Variants in RIPK2 observed in about 807,000 individuals in gnomAD.
RIPK2 encodes the protein receptor-interacting serine/threonine-protein kinase 2.
A neutral mutation model predicts 60.9 loss-of-function variants in RIPK2; 38 were observed. That is an observed-to-expected ratio of 0.62 (90% CI 0.48 to 0.82). The LOEUF (loss-of-function observed/expected upper bound fraction) is 0.82. Among genes scored for constraint, RIPK2 ranks in the 40% least tolerant of loss-of-function variants. The pLI is 0.00. For missense variants in RIPK2, 518 were observed against 647.0 expected (o/e 0.80, Z 2.16); for synonymous variants, 225 against 223.4 (o/e 1.01, Z -0.06).
intron 6 of RIPK2, among the ~76,000 whole-genome samples, chr8:89,776,849 A>G (rs1439510825): frequency 1.3e-5 from 2 of 152,222 alleles, no homozygotes; most frequent in South Asian, 2.1e-4. Flanking sequence ...CCTGCCTGAA[A>G]CAACCAAAAA....
intron 8 of RIPK2, among the ~76,000 whole-genome samples, chr8:89,784,960 T>C (rs1809560315): frequency 6.6e-6 from 1 of 151,968 alleles, no homozygotes; most frequent in East Asian, 1.9e-4. Context: ...GAAGTCAGGT[T>C]CTTTAACAGC....
intron 3 of RIPK2, 43 bp downstream of exon 3, chr8:89,765,539 G>T (rs1252864861): frequency 1.5e-6 from 2 of 1,332,334 alleles, no homozygotes; most frequent in Non-Finnish European, 1.0e-6. Flanking sequence ...TGTCCTTATA[G>T]TTTTAAAAAT....
chr8:89,759,338 A>C, intron 1 of RIPK2: 4 of 456,350 alleles, frequency 8.8e-6, no homozygotes, highest in South Asian at 6.2e-5. Flanking sequence ...AACTAGGCCC[A>C]GCATTCAGTT....
chr8:89,775,985 C>T (rs1563614639), intron 6 of RIPK2, among the ~76,000 whole-genome samples: 1 of 152,120 alleles, frequency 6.6e-6, no homozygotes, highest in Non-Finnish European at 1.5e-5. Flanking sequence ...GGAGAATGTA[C>T]CTTTAGATCT....
At chr8:89,772,484 C>G (rs1206456385) in intron 5 of RIPK2, among the ~76,000 whole-genome samples, 183 bp from the exon 6 acceptor site, 2 of 152,002 alleles carry the variant, frequency 1.3e-5, no homozygotes, top group African/African-American at 4.8e-5. Context: ...TAAACTCATT[C>G]CATAGGAATC....
At position 89,771,602 on chromosome 8, in the gene RIPK2, C is replaced by T. The variant is rs1809311570; in HGVS notation, c.642-139C>T. On this transcript the variant is annotated intron_variant, in intron 4 of 10. Transcript: ENST00000220751. The stretch of plus-strand genomic sequence containing the variant: ...AAACTACATGAGCATTTATCATCTT[C>T]ATTGTATACAGTAATTCTTTGCTGC... 3 of 539,824 alleles carry T rather than the reference C, an allele frequency of 5.6e-6. No homozygotes were observed. In the African/African-American group the frequency reaches 6.0e-5, roughly 11 times the overall value. 33.4% of individuals were successfully genotyped at this position (539,824 alleles called of 1,614,324 possible).
intron 6 of RIPK2, among the ~76,000 whole-genome samples, chr8:89,778,823 A>G (rs1809445064): frequency 6.6e-6 from 1 of 152,170 alleles, no homozygotes; most frequent in Non-Finnish European, 1.5e-5. Flanking sequence ...TTGGTTAATT[A>G]TCTGTGAATA....
chr8:89,790,442 G>A lies in RIPK2; in HGVS notation c.*26G>A, dbSNP rs898848207. The A allele has an allele frequency of 1.4e-6, 2 of 1,478,448 alleles. No individual in the cohort carries two copies. Among genetic ancestry groups the A allele is most frequent in the Non-Finnish European group, 1.8e-6 (2 of 1,091,222 alleles). 91.6% of individuals were successfully genotyped at this position (1,478,448 alleles called of 1,614,324 possible). ...GTGACTGTTTTTCAAGAAGAAATGT[G>A]TTTCATAAAAGGATATTTATATCTC... On this transcript the variant is annotated 3_prime_UTR_variant, in exon 11 of 11. Coordinates refer to ENST00000220751, the MANE Select transcript of RIPK2 (RefSeq NM_003821.6).
intron 4 of RIPK2, 66 bp from the exon 5 acceptor site, chr8:89,771,675 G>T: frequency 9.7e-7 from 1 of 1,033,378 alleles, no homozygotes; most frequent in Non-Finnish European, 1.4e-6. Context: ...TAAAAATAGT[G>T]CTATTTTAGT....
At chr8:89,789,601 C>A in intron 10 of RIPK2, 119 bp downstream of exon 10, 1 of 921,034 alleles carries the variant, frequency 1.1e-6, no homozygotes, top group Non-Finnish European at 1.6e-6. Context: ...AAATACATAC[C>A]TTCTTAAGTA....
intron 10 of RIPK2, among the ~76,000 whole-genome samples, 176 bp from the exon 11 acceptor site, chr8:89,789,903 C>A (rs181689845): frequency 3.1e-4 from 47 of 152,110 alleles, no homozygotes; most frequent in Non-Finnish European, 4.4e-5. Context: ...GGGAGATAAC[C>A]CAAATCTCTG....
In RIPK2 at chr8:89,780,068, T is replaced by C. The variant is rs1205086170; in HGVS notation, c.854-7T>C. The stretch of plus-strand genomic sequence containing the variant: ...GAACTCAACCTGTATTTTTTTCTCT[T>C]ATGTAGAATGTTTAATAGAACTTGA... On this transcript the variant is annotated splice_region_variant and splice_polypyrimidine_tract_variant and intron_variant, in intron 6 of 10. Coordinates refer to ENST00000220751, the MANE Select transcript of RIPK2 (RefSeq NM_003821.6). 1.4e-6 allele frequency: 2 copies of C among 1,402,858 alleles called. No homozygotes were observed. The highest frequency in any genetic ancestry group is 1.3e-5 in the South Asian group (1 of 79,614). 86.9% of individuals were successfully genotyped at this position (1,402,858 alleles called of 1,614,324 possible). A position where few individuals can be genotyped will look rare whatever the true frequency, so the allele number is the denominator to read the frequency against.
chr8:89,763,092 A>G, intron 2 of RIPK2, 110 bp downstream of exon 2: 2 of 670,018 alleles, frequency 3.0e-6, no homozygotes, highest in Non-Finnish European at 4.4e-6. Flanking sequence ...TAGATGAATC[A>G]AAGAATAATG....
rs140020615 is a variant in RIPK2, at chr8:89,757,914, C to T, written c.-147C>T. On this transcript the variant is annotated 5_prime_UTR_variant, in exon 1 of 11. Coordinates refer to ENST00000220751, the MANE Select transcript of RIPK2 (RefSeq NM_003821.6). The stretch of plus-strand genomic sequence containing the variant: ...GCGTGGGCCATCCGGGGAATGGGCG[C>T]CCTCGTGACCTAGTGTTGCGGGGCA... 7.8e-4 allele frequency: 1,074 copies of T among 1,383,834 alleles called. 9 individuals are homozygous for T. The African/African-American group carries it at 0.014, about 18-fold the overall frequency. 85.7% of individuals were successfully genotyped at this position (1,383,834 alleles called of 1,614,324 possible).
At chr8:89,785,700 AG>A (rs1809575198) in intron 8 of RIPK2, among the ~76,000 whole-genome samples, 1 of 152,208 alleles carries the variant, frequency 6.6e-6, no homozygotes, top group Non-Finnish European at 1.5e-5. Context: ...CGAACCTTAA[AG>A]CATAGTATAT....
Position 89,769,765 on chromosome 8 carries a change from C to T in RIPK2, c.484-7C>T, listed in dbSNP as rs1276810140. 2 of 1,574,882 alleles carry T rather than the reference C, an allele frequency of 1.3e-6. No homozygotes were observed. The highest frequency in any genetic ancestry group is 2.3e-5 in the East Asian group (1 of 42,714). On this transcript the variant is annotated splice_region_variant and splice_polypyrimidine_tract_variant and intron_variant, in intron 3 of 10. Transcript: ENST00000220751. ...ATTTCTTAATTATTTGCTCTTGTCC[C>T]TTACAGATTGCAGATTTTGGTTTAT...
Position 89,789,351 on chromosome 8 carries a change from T to A in RIPK2, c.1154T>A (p.Leu385Gln). The change falls in exon 10 of 11, where the codon CTG becomes CAG. Residue 385 changes from leucine (L) to glutamine (Q), a missense_variant. Physicochemically the swap from Leu to Gln is moderately radical, Grantham distance 113. Transcript: ENST00000220751. ...GCTCAAGACTGTTATTTTATGAAGC[T>A]GCATCACTGTCCTGGAAATCACAGT... ...RKAQDCYFMK[L>Q]HHCPGNHSWD... 1 of 1,614,024 alleles carries A rather than the reference T, an allele frequency of 6.2e-7. No homozygotes were observed. The highest frequency in any genetic ancestry group is 8.5e-7 in the Non-Finnish European group (1 of 1,179,938).
At chr8:89,777,843 T>C (rs10087807) in intron 6 of RIPK2, among the ~76,000 whole-genome samples, 28,072 of 151,890 alleles carry the variant, frequency 0.18, 3,813 homozygotes, top group African/African-American at 0.39. Context: ...CTGGTGTATA[T>C]TGGAATGTTG....
intron 4 of RIPK2, 59 bp downstream of exon 4, chr8:89,769,988 C>A: frequency 3.0e-6 from 4 of 1,347,582 alleles, no homozygotes; most frequent in South Asian, 1.5e-5. Flanking sequence ...AATTAGTCAA[C>A]CAGAATTTTG....
Sources: allele counts gnomAD v4.1 joint callset (sites outside exome capture counted in the v4.1 genomes callset), GRCh38; gene constraint gnomAD v4.1.1; transcripts MANE v1.5; gene names NCBI Gene and HGNC (gene_info 2026-07-23, HGNC 2026-07-21).